Variants in LRBA observed in about 807,000 individuals in gnomAD.
The protein encoded by LRBA is lipopolysaccharide-responsive and beige-like anchor protein.
Under a neutral mutation model 330.0 loss-of-function variants are expected in LRBA, and 176 were observed. That is an observed-to-expected ratio of 0.53 (90% CI 0.47 to 0.60). The LOEUF (loss-of-function observed/expected upper bound fraction) is 0.60. Ranked by LOEUF, LRBA falls within the 20% of genes least tolerant of loss-of-function variation. LRBA has a pLI of 0.00. For synonymous variants in LRBA, 1,230 were observed against 1,193.0 expected (o/e 1.03, Z -0.64); for missense variants, 3,259 against 3,444.8 (o/e 0.95, Z 1.35).
chr4:150,388,084 T>G (rs1743350722), intron 47 of LRBA, among the ~76,000 whole-genome samples: 1 of 152,194 alleles, frequency 6.6e-6, no homozygotes, highest in Non-Finnish European at 1.5e-5. Context: ...AAGTCCAAGA[T>G]CAAGGTTCCC....
At chr4:150,370,112 G>A (rs1234046526) in intron 47 of LRBA, among the ~76,000 whole-genome samples, 3 of 152,150 alleles carry the variant, frequency 2.0e-5, no homozygotes, top group African/African-American at 4.8e-5. Context: ...TTGTGGAGTG[G>A]AAGACAGTTT....
intron 37 of LRBA, among the ~76,000 whole-genome samples, chr4:150,610,053 GT>G (rs547146852): frequency 1.3e-5 from 2 of 151,866 alleles, no homozygotes; most frequent in Admixed American, 6.6e-5. Context: ...CTGATTGTTT[GT>G]TTTTTTTCTA....
At chr4:150,705,653 T>C (rs1785544681) in intron 36 of LRBA, among the ~76,000 whole-genome samples, 2 of 151,958 alleles carry the variant, frequency 1.3e-5, no homozygotes, top group Non-Finnish European at 2.9e-5. Flanking sequence ...CCAAAATATA[T>C]TGGCATAATA....
intron 47 of LRBA, among the ~76,000 whole-genome samples, chr4:150,372,624 G>A (rs1205323595): frequency 6.7e-6 from 1 of 148,810 alleles, no homozygotes; most frequent in East Asian, 1.9e-4. Context: ...TCATAGCCTG[G>A]GTAAAATGGT....
intron 34 of LRBA, among the ~76,000 whole-genome samples, chr4:150,795,387 T>C (rs1740640518): frequency 6.6e-6 from 1 of 152,086 alleles, no homozygotes; most frequent in Non-Finnish European, 1.5e-5. Flanking sequence ...ACTTGTTCAA[T>C]TTTTGTGTAT....
At chr4:150,640,000 G>C (rs1270138317) in intron 37 of LRBA, among the ~76,000 whole-genome samples, 2 of 149,412 alleles carry the variant, frequency 1.3e-5, no homozygotes, top group Non-Finnish European at 3.0e-5. Context: ...GGGATTACAG[G>C]TGCCTGCCAC....
intron 41 of LRBA, among the ~76,000 whole-genome samples, chr4:150,488,997 TAAG>T (rs1413379446): frequency 3.2e-5 from 4 of 124,452 alleles, no homozygotes; most frequent in South Asian, 2.2e-4. Flanking sequence ...ATAATATATA[TAAG>T]AATATATAAT....
Position 150,612,454 on chromosome 4 carries a change from T to C in LRBA, c.5922-13323A>G, listed in dbSNP as rs1023582963. On this transcript the variant is annotated intron_variant, in intron 37 of 56. Coordinates refer to ENST00000651943, the MANE Select transcript of LRBA (RefSeq NM_001364905.1). ...TTTTATCCACTGGGGAAAACAAGGCTTATTATGTTACACTTCCAGGTTTTT... is the reference window on the plus strand; with the variant it reads ...TTTTATCCACTGGGGAAAACAAGGCCTATTATGTTACACTTCCAGGTTTTT... Among the ~76,000 whole-genome samples, 5 of 152,186 alleles carry C rather than the reference T, an allele frequency of 3.3e-5. 1 individual carries two copies. The highest frequency in any genetic ancestry group is 1.2e-4 in the African/African-American group (5 of 41,446).
At chr4:150,683,081 GA>G (rs1173794614) in intron 37 of LRBA, among the ~76,000 whole-genome samples, 1 of 151,132 alleles carries the variant, frequency 6.6e-6, no homozygotes, top group Non-Finnish European at 1.5e-5. Flanking sequence ...TGCAACATAA[GA>G]AAAAAAATCA....
At chr4:150,685,414 ATATATATTTTTTTTTTTTTT>A (rs1783498678) in intron 36 of LRBA, among the ~76,000 whole-genome samples, 1 of 19,388 alleles carries the variant, frequency 5.2e-5, no homozygotes, top group Non-Finnish European at 9.5e-5. Context: ...ATATATATAT[ATATATATTTTTTTTTTTTTT>A]TTTTTTTTTT....
chr4:150,382,915 A>G (rs1274561365), intron 47 of LRBA, among the ~76,000 whole-genome samples: 1 of 152,244 alleles, frequency 6.6e-6, no homozygotes, highest in African/African-American at 2.4e-5. Context: ...CAAATATAGA[A>G]ATAAATTGCA....
intron 35 of LRBA, among the ~76,000 whole-genome samples, chr4:150,757,577 T>G (rs1734483802): frequency 6.6e-6 from 1 of 152,106 alleles, no homozygotes; most frequent in South Asian, 2.1e-4. Flanking sequence ...AGGAAAATCA[T>G]TATTATTATT....
intron 35 of LRBA, among the ~76,000 whole-genome samples, chr4:150,739,798 C>T (rs1390797512): frequency 6.6e-6 from 1 of 152,174 alleles, no homozygotes; most frequent in Non-Finnish European, 1.5e-5. Context: ...AATTCAGACT[C>T]TCAGTCTAAC....
At chr4:150,489,777 T>C (rs1257891703) in intron 41 of LRBA, among the ~76,000 whole-genome samples, 2 of 142,422 alleles carry the variant, frequency 1.4e-5, no homozygotes, top group Non-Finnish European at 3.0e-5. Context: ...TTCTTATCTG[T>C]GTGTGTGTAT....
intron 40 of LRBA, among the ~76,000 whole-genome samples, chr4:150,509,934 C>A (rs7691123): frequency 6.6e-6 from 1 of 152,026 alleles, no homozygotes; most frequent in Non-Finnish European, 1.5e-5. Context: ...GTCTGGAGTT[C>A]GAGACCAGCC....
intron 36 of LRBA, among the ~76,000 whole-genome samples, chr4:150,704,243 T>A (rs959125898): frequency 1.3e-5 from 2 of 152,028 alleles, no homozygotes; most frequent in African/African-American, 4.8e-5. Context: ...TTTATATTTG[T>A]TTTATATTAT....
At chr4:150,913,920 T>C (rs1364575660) in intron 9 of LRBA, among the ~76,000 whole-genome samples, 2 of 152,230 alleles carry the variant, frequency 1.3e-5, no homozygotes, top group Admixed American at 1.3e-4. Flanking sequence ...GCCCATAAAA[T>C]GTTTTAATAC....
intron 17 of LRBA, among the ~76,000 whole-genome samples, chr4:150,876,007 A>T (rs1753989463): frequency 1.3e-5 from 2 of 152,232 alleles, no homozygotes; most frequent in Non-Finnish European, 2.9e-5. Flanking sequence ...CCAGGAGATG[A>T]ATGGGATTAA....
chr4:150,505,361 A>C (rs1006532337), intron 40 of LRBA, among the ~76,000 whole-genome samples: 1 of 152,210 alleles, frequency 6.6e-6, no homozygotes, highest in African/African-American at 2.4e-5. Flanking sequence ...GTAAAAGAAC[A>C]GAAATTATAA....
Sources: allele counts gnomAD v4.1 joint callset (sites outside exome capture counted in the v4.1 genomes callset), GRCh38; gene constraint gnomAD v4.1.1; transcripts MANE v1.5; gene names NCBI Gene and HGNC (gene_info 2026-07-23, HGNC 2026-07-21).